The following LRRC37A3 variants were observed in gnomAD, a reference collection of about 807,000 sequenced individuals.
The protein encoded by LRRC37A3 is leucine-rich repeat-containing protein 37A3.
In LRRC37A3, 25 loss-of-function variants were observed where a neutral mutation model predicts 106.2. That is an observed-to-expected ratio of 0.24 (90% CI 0.17 to 0.33). LRRC37A3 has a LOEUF of 0.33. LRRC37A3 is among the 10% of genes least tolerant of loss of function. The pLI is 1.00. For synonymous variants in LRRC37A3, 305 were observed against 635.8 expected, an observed-to-expected ratio of 0.48 and a Z score of 7.83; for missense variants, 712 against 1,644.9, an observed-to-expected ratio of 0.43 and a Z score of 9.81.
chr17:64,864,207 C>T (rs1365155049), intron 10 of LRRC37A3, among the ~76,000 whole-genome samples: 9 of 151,976 alleles, frequency 5.9e-5, no homozygotes, highest in East Asian at 3.9e-4. Context: ...TCTGCGGTTA[C>T]GAGGCAGGAA....
At chr17:64,868,596 C>G in intron 9 of LRRC37A3, 60 bp from the exon 10 acceptor site, 1 of 1,545,696 alleles carries the variant, frequency 6.5e-7, no homozygotes, top group South Asian at 1.2e-5. Flanking sequence ...CTGTACTTAA[C>G]AATTCAATTT....
intron 10 of LRRC37A3, among the ~76,000 whole-genome samples, chr17:64,866,608 ATATATATATATATATATATATTTTTTT>A (rs1432263502): frequency 5.2e-4 from 10 of 19,376 alleles, no homozygotes; most frequent in African/African-American, 3.2e-3. Flanking sequence ...ATATATATAT[ATATATATATATATATATATATTTTTTT>A]TTTTTTTTTT....
rs765896565 is a variant in LRRC37A3, at chr17:64,859,587, C to A, written c.4559G>T (p.Arg1520Met). 3.7e-5 allele frequency: 60 copies of A among 1,612,852 alleles called. No individual in the cohort carries two copies. Among genetic ancestry groups the A allele is most frequent in the Admixed American group, 1.0e-4 (6 of 59,738 alleles). Residue 1520 changes from arginine (R) to methionine (M), a missense_variant, in exon 12 of 15, where the codon AGG becomes ATG. Arg to Met is a moderately conservative substitution (Grantham distance 91). Coordinates refer to ENST00000584306, the MANE Select transcript of LRRC37A3 (RefSeq NM_199340.5). ...GAGAAGCTTCATCAGGTGGCCTGTC[C>A]TGGAGACGAGCTTGGCACAGGTCAC... The part of the protein sequence containing the change: ...VQVTCAKLVS[R>M]TGHLMKLLSG...
chr17:64,910,637 C>CTTTT lies in LRRC37A3; in HGVS notation c.-496+8109_-496+8112dup, dbSNP rs926231139. On this transcript the variant is annotated intron_variant, in intron 2 of 14. Transcript: ENST00000584306. ...AGGAAGAAGAGTAACATTGTCCCCCCTTTTTTTTTTTTTTTTTTTTTTTTT... is the reference window on the plus strand; with the variant it reads ...AGGAAGAAGAGTAACATTGTCCCCCCTTTTTTTTTTTTTTTTTTTTTTTTTTTTT... Among the ~76,000 whole-genome samples the CTTTT allele has an allele frequency of 4.2e-3, 401 of 96,474 alleles. 13 individuals carry two copies. Among genetic ancestry groups the CTTTT allele is most frequent in the African/African-American group, 0.014 (328 of 22,768 alleles). 63.3% of individuals were successfully genotyped at this position (96,474 alleles called of 152,430 possible). A position where few individuals can be genotyped will look rare whatever the true frequency, so the allele number is the denominator to read the frequency against.
chr17:64,863,067 G>A (rs755386893), intron 10 of LRRC37A3, 49 bp from the exon 11 acceptor site: 12 of 1,595,494 alleles, frequency 7.5e-6, no homozygotes, highest in Non-Finnish European at 1.0e-5. Flanking sequence ...GCGGTTACTT[G>A]AGTAGGTAAA....
In LRRC37A3 at chr17:64,919,004, G is replaced by A. The variant is rs535257679; in HGVS notation, c.-616-134C>T. The A allele has an allele frequency of 1.1e-4, 137 of 1,223,026 alleles. 1 individual carries two copies. In the African/African-American group the frequency reaches 2.0e-3, roughly 18 times the overall value. The allele number at this position is 1,223,026 out of a possible 1,614,324, so 75.8% of individuals were successfully genotyped here. A position where few individuals can be genotyped will look rare whatever the true frequency, so the allele number is the denominator to read the frequency against. On this transcript the variant is annotated intron_variant, in intron 1 of 14. Transcript: ENST00000584306. ...CCCGCCTCCCCCCGGCCGGGGCGCTGGTGCTGGGGTGGGGCTGGCGGCGGC... is the reference window on the plus strand; with the variant it reads ...CCCGCCTCCCCCCGGCCGGGGCGCTAGTGCTGGGGTGGGGCTGGCGGCGGC...
chr17:64,858,406 G>A (rs1972753094), intron 13 of LRRC37A3, among the ~76,000 whole-genome samples: 1 of 152,192 alleles, frequency 6.6e-6, no homozygotes, highest in South Asian at 2.1e-4. Flanking sequence ...CCGTGAGGGT[G>A]GAGATTATAC....
intron 8 of LRRC37A3, among the ~76,000 whole-genome samples, chr17:64,873,700 G>A (rs1250455800): frequency 6.6e-6 from 1 of 150,938 alleles, no homozygotes; most frequent in Non-Finnish European, 1.5e-5. Context: ...GCAGGCTGAA[G>A]ACAGAATGGG....
intron 10 of LRRC37A3, among the ~76,000 whole-genome samples, chr17:64,865,981 TA>T (rs1973055278): frequency 6.6e-6 from 1 of 152,068 alleles, no homozygotes; most frequent in Non-Finnish European, 1.5e-5. Flanking sequence ...AATTTTTCAA[TA>T]CACATGAAAG....
Position 64,859,913 on chromosome 17 carries a change from T to C in LRRC37A3, c.4233A>G (p.Gly1411=), listed in dbSNP as rs1190403653. ...VFMENTNMPE[G]TISENTNYNH... is the part of the protein sequence containing the mutation. ...TGTAGTTTGTGTTTTCAGAGATGGT[T>C]CCTTCTGGCATGTTAGTGTTTTCCA... Residue 1411 remains glycine, a synonymous_variant, in exon 12 of 15, where the codon GGA becomes GGG. Transcript: ENST00000584306. 6.2e-7 allele frequency: 1 copy of C among 1,613,776 alleles called. No individual in the cohort carries two copies. Among genetic ancestry groups the C allele is most frequent in the Admixed American group, 1.7e-5 (1 of 60,004 alleles).
At chr17:64,856,680 C>T (rs974589649) in intron 13 of LRRC37A3, among the ~76,000 whole-genome samples, 1 of 147,666 alleles carries the variant, frequency 6.8e-6, no homozygotes, top group Non-Finnish European at 1.5e-5. Flanking sequence ...ATGCAGCTGG[C>T]ACTTAATACA....
intron 5 of LRRC37A3, among the ~76,000 whole-genome samples, chr17:64,890,043 G>A (rs1442424195): frequency 2.6e-5 from 1 of 39,186 alleles, no homozygotes; most frequent in East Asian, 8.0e-4. Context: ...ATCCCTTTTA[G>A]AATCCAACTC....
At chr17:64,872,409 A>G (rs901632194) in intron 8 of LRRC37A3, among the ~76,000 whole-genome samples, 1 of 151,956 alleles carries the variant, frequency 6.6e-6, no homozygotes, top group African/African-American at 2.4e-5. Context: ...CACATCCCCA[A>G]CCAGAGGGAG....
At chr17:64,877,560 T>A (rs1450681785) in intron 8 of LRRC37A3, among the ~76,000 whole-genome samples, 3 of 152,186 alleles carry the variant, frequency 2.0e-5, no homozygotes, top group Non-Finnish European at 4.4e-5. Context: ...GGGAATAACA[T>A]AGCAGTTAGG....
intron 8 of LRRC37A3, among the ~76,000 whole-genome samples, chr17:64,875,809 C>A (rs1466110493): frequency 3.3e-5 from 5 of 150,512 alleles, no homozygotes; most frequent in Admixed American, 6.6e-5. Flanking sequence ...AAAAAAAAAA[C>A]AAAAAGATAC....
intron 8 of LRRC37A3, among the ~76,000 whole-genome samples, chr17:64,870,057 A>G (rs1376392023): frequency 3.4e-5 from 5 of 146,310 alleles, no homozygotes; most frequent in African/African-American, 7.6e-5. Flanking sequence ...CTCCTGGACT[A>G]TGAGCGCTTT....
At position 64,854,669 on chromosome 17, in the gene LRRC37A3, G is replaced by A. The variant is rs773970428; in HGVS notation, c.4860-25C>T. Reference sequence around the variant, plus strand: ...CCTGGGATAAGAATAACAATGCCAAGGTTTTGATTCTTGAAAGGAGCAATT... The same window carrying A: ...CCTGGGATAAGAATAACAATGCCAAAGTTTTGATTCTTGAAAGGAGCAATT... On this transcript the variant is annotated intron_variant, in intron 14 of 14. Coordinates refer to ENST00000584306, the MANE Select transcript of LRRC37A3 (RefSeq NM_199340.5). 1.3e-5 allele frequency: 21 copies of A among 1,612,934 alleles called. No homozygotes were observed. In the South Asian group the frequency reaches 2.0e-4, roughly 15 times the overall value.
chr17:64,911,156 TAAGAG>T (rs1213130189), intron 2 of LRRC37A3, among the ~76,000 whole-genome samples: 1 of 151,732 alleles, frequency 6.6e-6, no homozygotes, highest in African/African-American at 2.4e-5. Flanking sequence ...TTAAAGAGCT[TAAGAG>T]GAGAAACAAC....
chr17:64,870,821 CTTCT>C lies in LRRC37A3; in HGVS notation c.2907-1659_2907-1656del, dbSNP rs961127627. ...TCCTTCCTTCCTTCCCTCCCCCTTC[CTTCT>C]ATTTTCTTTCCTTTCCTTTCTTTCC... On this transcript the variant is annotated intron_variant, in intron 8 of 14. Coordinates refer to ENST00000584306, the MANE Select transcript of LRRC37A3 (RefSeq NM_199340.5). Among the ~76,000 whole-genome samples the C allele has an allele frequency of 6.0e-5, 9 of 149,624 alleles. No individual in the cohort carries two copies. The East Asian group carries it at 1.4e-3, about 23-fold the overall frequency.
Sources: allele counts gnomAD v4.1 joint callset (sites outside exome capture counted in the v4.1 genomes callset), GRCh38; gene constraint gnomAD v4.1.1; transcripts MANE v1.5; gene names NCBI Gene and HGNC (gene_info 2026-07-23, HGNC 2026-07-21).